The following ORC5 variants were observed in gnomAD, a reference collection of about 807,000 sequenced individuals.
ORC5 encodes the protein origin recognition complex subunit 5.
ORC5 carries 39 observed loss-of-function variants against 58.8 expected under a neutral mutation model. That is an observed-to-expected ratio of 0.66 (90% CI 0.51 to 0.87). The LOEUF is 0.87. Among genes scored for constraint, ORC5 ranks in the 40% least tolerant of loss-of-function variants. ORC5 has a pLI of 0.00. For missense variants in ORC5, 493 were observed against 506.3 expected, an observed-to-expected ratio of 0.97 and a Z score of 0.25; for synonymous variants, 218 against 177.6, an observed-to-expected ratio of 1.23 and a Z score of -1.81.
chr7:104,205,938 G>A (rs1562833508), intron 1 of ORC5, among the ~76,000 whole-genome samples: 1 of 152,170 alleles, frequency 6.6e-6, no homozygotes, highest in Non-Finnish European at 1.5e-5. Flanking sequence ...AGCCTGGGAG[G>A]CAGAGACTGC....
At chr7:104,158,994 TATAA>T (rs1346695568) in intron 12 of ORC5, among the ~76,000 whole-genome samples, 1 of 109,984 alleles carries the variant, frequency 9.1e-6, no homozygotes, top group Admixed American at 8.6e-5. Flanking sequence ...CCCAAAGGAC[TATAA>T]ATCACGCTGT....
Position 104,195,244 on chromosome 7 carries a change from T to A in ORC5, c.452A>T (p.Asn151Ile). 1 of 1,539,564 alleles carries A rather than the reference T, an allele frequency of 6.5e-7. No individual in the cohort carries two copies. Among genetic ancestry groups the A allele is most frequent in the East Asian group, 2.4e-5 (1 of 41,160 alleles). Residue 151 changes from asparagine to isoleucine, a missense_variant, in exon 5 of 14, where the codon AAT (asparagine) becomes ATT (isoleucine). This residue lies in a region of ORC5 where 412 missense variants were observed against 403.7 expected (regional missense o/e 1.02). Transcript: ENST00000297431. ...TTCACTGAGAAAGAGAACAGTCACA[T>A]TTCTGTCAGCCTGTAAAAAGAAAGA... Reference protein sequence around the residue: ...FLRLQELADRNVTVLFLSEIV... With the variant: ...FLRLQELADRIVTVLFLSEIV...
chr7:104,197,717 T>C lies in ORC5; in HGVS notation c.441+8A>G, dbSNP rs1168145898. 1.9e-6 allele frequency: 3 copies of C among 1,583,344 alleles called. No homozygotes were observed. Among genetic ancestry groups the C allele is most frequent in the Non-Finnish European group, 8.6e-7 (1 of 1,160,792 alleles). The stretch of plus-strand genomic sequence containing the variant: ...TGTGGGGAGAAAGCACTTTCTCACA[T>C]TACTTACCAATTCTTGTAATCTAAG... On this transcript the variant is annotated splice_region_variant and intron_variant, in intron 4 of 13. Coordinates refer to ENST00000297431, the MANE Select transcript of ORC5 (RefSeq NM_002553.4).
intron 12 of ORC5, among the ~76,000 whole-genome samples, chr7:104,158,966 C>CCACAA (rs1798976860): frequency 6.6e-6 from 1 of 151,902 alleles, no homozygotes; most frequent in Non-Finnish European, 1.5e-5. Flanking sequence ...ACCCAGCCAT[C>CCACAA]GCAATCCTGG....
chr7:104,191,167 T>C (rs1799667942), intron 5 of ORC5, among the ~76,000 whole-genome samples: 1 of 150,910 alleles, frequency 6.6e-6, no homozygotes, highest in African/African-American at 2.4e-5. Flanking sequence ...CATGTACTTT[T>C]ACATTCTAAT....
At chr7:104,148,376 T>G (rs572060919) in intron 12 of ORC5, among the ~76,000 whole-genome samples, 2 of 152,270 alleles carry the variant, frequency 1.3e-5, no homozygotes, top group African/African-American at 4.8e-5. Context: ...AAGAAGGAAA[T>G]GACTACTCCA....
chr7:104,162,404 T>G (rs769966887), intron 11 of ORC5, among the ~76,000 whole-genome samples: 3 of 152,202 alleles, frequency 2.0e-5, no homozygotes, highest in Non-Finnish European at 4.4e-5. Context: ...TGAAGTAATC[T>G]GCCCACCTTG....
chr7:104,174,743 C>A (rs759303937), intron 8 of ORC5, among the ~76,000 whole-genome samples: 20 of 152,178 alleles, frequency 1.3e-4, no homozygotes, highest in Non-Finnish European at 2.4e-4. Flanking sequence ...TAGGTAAGCT[C>A]AGGCATGTGC....
At chr7:104,192,792 GA>G (rs559415078) in intron 5 of ORC5, among the ~76,000 whole-genome samples, 1 of 147,242 alleles carries the variant, frequency 6.8e-6, no homozygotes, top group Non-Finnish European at 1.5e-5. Flanking sequence ...GGATACAAAA[GA>G]AAACAAAAGC....
intron 5 of ORC5, among the ~76,000 whole-genome samples, chr7:104,193,574 G>A (rs1584519580): frequency 6.6e-6 from 1 of 152,014 alleles, no homozygotes; most frequent in Admixed American, 6.6e-5. Flanking sequence ...TTCCTGAAAA[G>A]GACATGTTTC....
intron 2 of ORC5, among the ~76,000 whole-genome samples, chr7:104,201,177 G>A (rs879336260): frequency 6.6e-6 from 1 of 152,136 alleles, no homozygotes; most frequent in Non-Finnish European, 1.5e-5. Flanking sequence ...GGAGACTAAG[G>A]GAGAATGGTG....
chr7:104,196,351 A>G (rs10230637), intron 4 of ORC5, among the ~76,000 whole-genome samples: 16,986 of 152,216 alleles, frequency 0.11, 1,681 homozygotes, highest in African/African-American at 0.27. Context: ...AATAAATAAA[A>G]GGAAAGGAAA....
chr7:104,183,839 A>AT, intron 8 of ORC5, 104 bp downstream of exon 8: 2 of 757,056 alleles, frequency 2.6e-6, no homozygotes, highest in Non-Finnish European at 4.3e-6. Flanking sequence ...CCTCAAACAG[A>AT]TATCTTTTTC....
At chr7:104,185,838 A>G (rs115446677) in intron 6 of ORC5, among the ~76,000 whole-genome samples, 6,755 of 152,032 alleles carry the variant, frequency 0.044, 495 homozygotes, top group African/African-American at 0.15. Flanking sequence ...ATTTCATATC[A>G]AAATAATTCA....
At chr7:104,148,376 T>C (rs572060919) in intron 12 of ORC5, among the ~76,000 whole-genome samples, 1 of 152,152 alleles carries the variant, frequency 6.6e-6, no homozygotes, top group African/African-American at 2.4e-5. Context: ...AAGAAGGAAA[T>C]GACTACTCCA....
chr7:104,127,897 G>T (rs1439777122), intron 13 of ORC5, among the ~76,000 whole-genome samples: 1 of 152,120 alleles, frequency 6.6e-6, no homozygotes, highest in African/African-American at 2.4e-5. Context: ...TTGGACTGAA[G>T]AATAACTTGC....
intron 4 of ORC5, among the ~76,000 whole-genome samples, chr7:104,195,941 ATATTT>A (rs1294764321): frequency 1.3e-5 from 2 of 152,190 alleles, no homozygotes; most frequent in Non-Finnish European, 1.5e-5. Flanking sequence ...GATATCCACC[ATATTT>A]TAAACTTCCC....
chr7:104,199,534 G>C lies in ORC5; in HGVS notation c.366+1224C>G, dbSNP rs372933968. Among the ~76,000 whole-genome samples, 10 of 152,366 alleles carry C rather than the reference G, an allele frequency of 6.6e-5. No individual in the cohort carries two copies. In the East Asian group the frequency reaches 1.7e-3, roughly 26 times the overall value. On this transcript the variant is annotated intron_variant, in intron 3 of 13. Transcript: ENST00000297431. Reference sequence around the variant, plus strand: ...TTAATGACTGCCTTATTGGATTGCAGACTTTCTTGGGGCCTACAGCCCCTT... The same window carrying C: ...TTAATGACTGCCTTATTGGATTGCACACTTTCTTGGGGCCTACAGCCCCTT...
At chr7:104,200,389 T>C (rs1409826339) in intron 3 of ORC5, among the ~76,000 whole-genome samples, 15 of 152,214 alleles carry the variant, frequency 9.9e-5, no homozygotes, top group Non-Finnish European at 2.1e-4. Context: ...TTCAGCTGCA[T>C]GCCTTTACTT....
Sources: allele counts gnomAD v4.1 joint callset (sites outside exome capture counted in the v4.1 genomes callset), GRCh38; gene constraint gnomAD v4.1.1; regional missense constraint gnomAD v4.1.1; transcripts MANE v1.5; gene names NCBI Gene and HGNC (gene_info 2026-07-23, HGNC 2026-07-21).